Variants in TAF1 observed in about 807,000 individuals in gnomAD.
TAF1 encodes the protein TATA-box binding protein associated factor 1, also known as transcription initiation factor TFIID subunit 1.
TAF1 carries 2 observed loss-of-function variants against 138.5 expected under a neutral mutation model. The observed-to-expected ratio is 0.01, with a 90% CI of 0.01 to 0.05. TAF1 has a LOEUF of 0.05. Ranked by LOEUF, TAF1 falls within the 10% of genes least tolerant of loss-of-function variation. The pLI is 1.00. For missense variants in TAF1, 709 were observed against 1,478.0 expected (o/e 0.48, Z 8.53); for synonymous variants, 437 against 503.2 (o/e 0.87, Z 1.76).
At chrX:71,501,492 C>A (rs1213712794) in intron 13 of TAF1, among the ~76,000 whole-genome samples, 5 of 111,080 alleles carry the variant, frequency 4.5e-5, no homozygotes, top group Non-Finnish European at 9.4e-5. Context: ...GTCTGATAGG[C>A]CTTAGGACCC....
Position 71,383,971 on chromosome X carries a change from C to A in TAF1, c.1957C>A (p.Gln653Lys). The A allele has an allele frequency of 8.3e-7, 1 of 1,210,538 alleles. No individual in the cohort carries two copies. Among genetic ancestry groups the A allele is most frequent in the Non-Finnish European group, 1.1e-6 (1 of 895,112 alleles). The change falls in exon 13 of 38, where the codon CAA (glutamine) becomes AAA (lysine). Residue 653 changes from glutamine to lysine, a missense_variant. Physicochemically the swap from Gln to Lys is moderately conservative, Grantham distance 53. Coordinates refer to ENST00000423759, the MANE Select transcript of TAF1 (RefSeq NM_004606.5). Reference sequence around the variant, plus strand: ...TCTTTGTTCTGGACAGATGAGAGAACAAGAGAGGCAAGCTTCAGGTGGTGG... The same window carrying A: ...TCTTTGTTCTGGACAGATGAGAGAAAAAGAGAGGCAAGCTTCAGGTGGTGG... ...HIKKKAKMREQERQASGGGEM... is the reference protein window; with the variant it reads ...HIKKKAKMREKERQASGGGEM...
intron 13 of TAF1, among the ~76,000 whole-genome samples, chrX:71,497,998 G>T (rs375055932): frequency 1.8e-5 from 2 of 111,460 alleles, no homozygotes; most frequent in Admixed American, 1.9e-4. Flanking sequence ...CTGGGCCTTC[G>T]ATTTAGAGAC....
chrX:71,455,048 C>G, intron 34 of TAF1, 191 bp downstream of exon 34: 2 of 1,155,921 alleles, frequency 1.7e-6, no homozygotes, highest in East Asian at 6.5e-5. Flanking sequence ...GGCCTTGAAT[C>G]CAGAAAAGGC....
At chrX:71,392,137 G>A (rs1330147137) in intron 18 of TAF1, among the ~76,000 whole-genome samples, 1 of 111,766 alleles carries the variant, frequency 8.9e-6, no homozygotes, top group African/African-American at 3.3e-5. Flanking sequence ...CAAGTATTTC[G>A]AGAAAATAGG....
intron 13 of TAF1, among the ~76,000 whole-genome samples, chrX:71,506,231 T>C (rs189936799): frequency 9.4e-6 from 1 of 106,214 alleles, no homozygotes; most frequent in African/African-American, 3.4e-5. Context: ...AATAAATAAA[T>C]AAATAAAAAA....
intron 33 of TAF1, among the ~76,000 whole-genome samples, chrX:71,454,445 A>C (rs753501334): frequency 1.3e-4 from 15 of 111,275 alleles, no homozygotes; most frequent in African/African-American, 3.3e-4. Flanking sequence ...AGCCTGGGCA[A>C]CAGCAAAACC....
intron 8 of TAF1, among the ~76,000 whole-genome samples, chrX:71,379,768 A>C (rs1179963155): frequency 9.4e-6 from 1 of 106,638 alleles, no homozygotes; most frequent in Non-Finnish European, 1.9e-5. Flanking sequence ...ATGCCCATCT[A>C]ATTTTGTATT....
rs1252018755 is a variant in TAF1, at chrX:71,375,296, G to T, written c.472+10G>T. ...GATTCTATTACTGGTGGTAAGTAGA[G>T]ATTGTCTACTTTTGTCTGAGGAGCA... On this transcript the variant is annotated intron_variant, in intron 4 of 37. Coordinates refer to ENST00000423759, the MANE Select transcript of TAF1 (RefSeq NM_004606.5). The T allele has an allele frequency of 3.3e-6, 4 of 1,206,273 alleles. No individual in the cohort carries two copies.
intron 6 of TAF1, 133 bp from the exon 7 acceptor site, chrX:71,378,102 T>A: frequency 7.4e-6 from 5 of 671,991 alleles, no homozygotes; most frequent in Non-Finnish European, 1.1e-5. Context: ...TACATCTCCA[T>A]TGTTTACATT....
intron 13 of TAF1, among the ~76,000 whole-genome samples, chrX:71,517,292 A>G (rs896448411): frequency 8.9e-6 from 1 of 111,797 alleles, no homozygotes; most frequent in Non-Finnish European, 1.9e-5. Flanking sequence ...TAGGGCGACT[A>G]TAGTCAATAA....
chrX:71,457,490 A>C (rs1602744142), intron 34 of TAF1, among the ~76,000 whole-genome samples: 1 of 112,331 alleles, frequency 8.9e-6, no homozygotes, highest in African/African-American at 3.2e-5. Flanking sequence ...CACTTTATCT[A>C]GTCCTTCTTG....
At chrX:71,458,805 CA>C (rs1279861266) in intron 35 of TAF1, among the ~76,000 whole-genome samples, 1 of 111,911 alleles carries the variant, frequency 8.9e-6, no homozygotes, top group African/African-American at 3.2e-5. Flanking sequence ...CAGCTATTCT[CA>C]GTCAGGGTTC....
At chrX:71,366,516 T>C in intron 1 of TAF1, 22 bp downstream of exon 1, 3 of 305,157 alleles carry the variant, frequency 9.8e-6, no homozygotes, top group Middle Eastern at 1.2e-3. Context: ...GGCGTGGGGG[T>C]AGGGCTCGGG....
chrX:71,464,086 C>A lies in TAF1; in HGVS notation c.*40C>A. ...CTCCTTGGTCAGCCTTCCCTGTTCT[C>A]CAGCCTAGGTGGTTCACCTTTCCCC... is the stretch of plus-strand genomic sequence containing the variant. On this transcript the variant is annotated 3_prime_UTR_variant, in exon 38 of 38. Coordinates refer to ENST00000423759, the MANE Select transcript of TAF1 (RefSeq NM_004606.5). 3 of 1,130,410 alleles carry A rather than the reference C, an allele frequency of 2.7e-6. No individual in the cohort carries two copies. Among genetic ancestry groups the A allele is most frequent in the Non-Finnish European group, 3.6e-6 (3 of 839,590 alleles). 93.2% of individuals were successfully genotyped at this position (1,130,410 alleles called of 1,213,427 possible).
At chrX:71,377,492 G>A in intron 5 of TAF1, 111 bp from the exon 6 acceptor site, 1 of 945,568 alleles carries the variant, frequency 1.1e-6, no homozygotes, top group South Asian at 2.5e-5. Flanking sequence ...ACACTCCTTT[G>A]TTTCTCCCCC....
intron 13 of TAF1, among the ~76,000 whole-genome samples, chrX:71,508,035 A>C (rs1278570137): frequency 6.7e-5 from 7 of 104,709 alleles, no homozygotes; most frequent in Non-Finnish European, 1.4e-4. Context: ...TATAGTAGAT[A>C]TAGATACTTA....
At chrX:71,406,020 CT>C (rs1354771501) in intron 25 of TAF1, among the ~76,000 whole-genome samples, 2 of 110,277 alleles carry the variant, frequency 1.8e-5, no homozygotes, top group East Asian at 5.7e-4. Context: ...TGAACCTAGC[CT>C]TTTAACATTT....
chrX:71,497,432 CCATTTA>C (rs1458835591), intron 13 of TAF1, among the ~76,000 whole-genome samples: 1 of 111,437 alleles, frequency 9.0e-6, no homozygotes, highest in Non-Finnish European at 1.9e-5. Flanking sequence ...ACCTAGTATG[CCATTTA>C]CATCATGAGT....
At chrX:71,518,203 TC>T (rs1338664335) in intron 13 of TAF1, among the ~76,000 whole-genome samples, 1 of 112,396 alleles carries the variant, frequency 8.9e-6, no homozygotes, top group African/African-American at 3.2e-5. Context: ...GGAGTCTTGC[TC>T]TATTGCCCAG....
Sources: gnomAD v4.1 joint callset for allele counts (sites outside exome capture counted in the v4.1 genomes callset) on GRCh38, gnomAD v4.1.1 for gene constraint, MANE v1.5 for transcripts, NCBI Gene and HGNC (gene_info 2026-07-23, HGNC 2026-07-21) for gene names.